Variants in FBXO34 observed in about 807,000 individuals in gnomAD.
FBXO34 encodes the protein F-box protein 34, also known as F-box only protein 34.
FBXO34 carries 12 observed loss-of-function variants against 24.5 expected under a neutral mutation model. The ratio of observed to expected loss-of-function variants is 0.49; its 90% CI spans 0.31 to 0.79. FBXO34 has a LOEUF of 0.79. Among genes scored for constraint, FBXO34 ranks in the 30% least tolerant of loss-of-function variants. FBXO34 has a pLI of 0.04. For missense variants in FBXO34, 823 were observed against 857.7 expected, an observed-to-expected ratio of 0.96 and a Z score of 0.51; for synonymous variants, 320 against 311.9, an observed-to-expected ratio of 1.03 and a Z score of -0.27.
At chr14:55,372,283 TCAC>T (rs775758526), downstream of FBXO34, among the ~76,000 whole-genome samples, 2 of 145,510 alleles carry the variant, frequency 1.4e-5, no homozygotes, top group South Asian at 2.2e-4. Flanking sequence ...CCTCACCATA[TCAC>T]CACCACTTTC....
intron 1 of FBXO34, among the ~76,000 whole-genome samples, chr14:55,283,849 C>CTA (rs1881647117): frequency 6.6e-6 from 1 of 152,030 alleles, no homozygotes; most frequent in African/African-American, 2.4e-5. Context: ...CAAAAAAATA[C>CTA]TAACTTTACT....
At chr14:55,403,756 T>C in the FBXO34 span, among the ~76,000 whole-genome samples, 1 of 152,180 alleles carries the variant, frequency 6.6e-6, no homozygotes, top group Non-Finnish European at 1.5e-5. Flanking sequence ...ATGCATAGGA[T>C]ATTGAGGACT....
the FBXO34 span, among the ~76,000 whole-genome samples, chr14:55,429,456 G>A: frequency 6.6e-6 from 1 of 152,150 alleles, no homozygotes; most frequent in Admixed American, 6.5e-5. Context: ...CAGTCTCAAA[G>A]TATGTCCCAT....
the FBXO34 span, among the ~76,000 whole-genome samples, chr14:55,380,855 G>GTATATA: frequency 2.2e-4 from 26 of 118,062 alleles, no homozygotes; most frequent in Non-Finnish European, 3.5e-4. Flanking sequence ...TTCTTTGTGT[G>GTATATA]TATATATATA....
the FBXO34 span, among the ~76,000 whole-genome samples, chr14:55,380,875 A>ATATATATTTT: frequency 9.8e-5 from 11 of 112,722 alleles, no homozygotes; most frequent in African/African-American, 4.2e-4. Context: ...ATATATATAT[A>ATATATATTTT]TTTTTTTTTT....
chr14:55,399,555 T>G, the FBXO34 span, among the ~76,000 whole-genome samples: 1 of 152,238 alleles, frequency 6.6e-6, no homozygotes, highest in Non-Finnish European at 1.5e-5. Flanking sequence ...TCCAGAATAC[T>G]AAGAAATCTA....
chr14:55,377,801 C>T, the FBXO34 span: 5 of 1,534,632 alleles, frequency 3.3e-6, no homozygotes, highest in Non-Finnish European at 4.4e-6. Flanking sequence ...TAGAGAAAAG[C>T]AACAAATATC....
At chr14:55,378,673 C>A in the FBXO34 span, among the ~76,000 whole-genome samples, 1 of 152,014 alleles carries the variant, frequency 6.6e-6, no homozygotes, top group African/African-American at 2.4e-5. Context: ...ACACAGCAAG[C>A]CCCTCTCTCA....
the FBXO34 span, among the ~76,000 whole-genome samples, chr14:55,383,588 C>T: frequency 1.0e-4 from 15 of 149,446 alleles, no homozygotes; most frequent in African/African-American, 3.0e-4. Context: ...ACAACAACAA[C>T]AAAAAAAACC....
At chr14:55,299,208 T>C in intron 1 of FBXO34, 1 of 945,822 alleles carries the variant, frequency 1.1e-6, no homozygotes, top group Admixed American at 1.7e-5. Context: ...AGCCCTACCA[T>C]CAAAACCTGC....
At chr14:55,282,527 C>T (rs1881588967) in intron 1 of FBXO34, 1 of 229,082 alleles carries the variant, frequency 4.4e-6, no homozygotes, top group Non-Finnish European at 9.2e-6. Flanking sequence ...AATCTTGTGC[C>T]TTTCCCAACC....
chr14:55,276,449 A>G (rs1307843212), intron 1 of FBXO34, among the ~76,000 whole-genome samples: 17 of 152,250 alleles, frequency 1.1e-4, no homozygotes, highest in African/African-American at 3.9e-4. Context: ...ACACCTAGAC[A>G]TTTCCCCATG....
downstream of FBXO34, among the ~76,000 whole-genome samples, chr14:55,365,781 A>G (rs1471513084): frequency 1.3e-5 from 2 of 152,036 alleles, no homozygotes; most frequent in African/African-American, 4.8e-5. Context: ...GCTCCAGATA[A>G]AGGGGCAGTA....
intron 1 of FBXO34, among the ~76,000 whole-genome samples, chr14:55,314,812 ATAGTT>A (rs1477466715): frequency 6.6e-6 from 1 of 152,214 alleles, no homozygotes; most frequent in Admixed American, 6.5e-5. Flanking sequence ...TTAAATGTAC[ATAGTT>A]TAGTTGATAG....
At chr14:55,362,292 C>T (rs1007425502), downstream of FBXO34, among the ~76,000 whole-genome samples, 54 of 152,116 alleles carry the variant, frequency 3.5e-4, no homozygotes, top group African/African-American at 1.1e-3. Flanking sequence ...ACAGACAGTT[C>T]GTGGGCCTCC....
At chr14:55,287,249 A>G (rs949004463) in intron 1 of FBXO34, among the ~76,000 whole-genome samples, 1 of 152,082 alleles carries the variant, frequency 6.6e-6, no homozygotes, top group Non-Finnish European at 1.5e-5. Flanking sequence ...GTTTTATACA[A>G]TATTTTAAAT....
exon 4 of FBXO34, chr14:55,361,826 GAGAT>G (rs1235250942): frequency 6.6e-6 from 1 of 152,236 alleles, no homozygotes; most frequent in Non-Finnish European, 1.5e-5. Context: ...GAGAATTAAA[GAGAT>G]AGGGCGTTGT....
downstream of FBXO34, among the ~76,000 whole-genome samples, chr14:55,374,304 C>T (rs1884879237): frequency 6.6e-6 from 1 of 152,092 alleles, no homozygotes; most frequent in South Asian, 2.1e-4. Flanking sequence ...TTCACTGCAG[C>T]CTCCAACTCC....
chr14:55,293,359 G>A (rs1249100378), intron 1 of FBXO34, among the ~76,000 whole-genome samples: 1 of 151,466 alleles, frequency 6.6e-6, no homozygotes, highest in Non-Finnish European at 1.5e-5. Context: ...TGTGTTTTTA[G>A]TAGAAGATGG....
Sources: allele counts gnomAD v4.1 joint callset (sites outside exome capture counted in the v4.1 genomes callset), GRCh38; gene constraint gnomAD v4.1.1; transcripts MANE v1.5; gene names NCBI Gene and HGNC (gene_info 2026-07-23, HGNC 2026-07-21).